Variants in CABLES1 observed in about 807,000 individuals in gnomAD.
CABLES1 encodes Cdk5 and Abl enzyme substrate 1.
CABLES1 carries 36 observed loss-of-function variants against 57.8 expected under a neutral mutation model. That is an observed-to-expected ratio of 0.62 (90% CI 0.48 to 0.82). The LOEUF (loss-of-function observed/expected upper bound fraction) is 0.82. Among genes scored for constraint, CABLES1 ranks in the 40% least tolerant of loss-of-function variants. The pLI is 0.00. For missense variants in CABLES1, 767 were observed against 836.6 expected (o/e 0.92, Z 1.03); for synonymous variants, 374 against 363.0 (o/e 1.03, Z -0.35).
At chr18:23,200,464 A>G (rs182424761) in intron 3 of CABLES1, among the ~76,000 whole-genome samples, 2,887 of 152,216 alleles carry the variant, frequency 0.019, 46 homozygotes, top group Middle Eastern at 0.041. Context: ...GGGTTTCACC[A>G]TGTTAGCCAG....
chr18:23,238,388 C>T lies in CABLES1; in HGVS notation c.1446+1143C>T, dbSNP rs17797201. Among the ~76,000 whole-genome samples the T allele has an allele frequency of 3.3e-3, 501 of 152,324 alleles. 3 individuals carry two copies. Among genetic ancestry groups the T allele is most frequent in the Non-Finnish European group, 5.8e-3 (393 of 68,032 alleles). On this transcript the variant is annotated intron_variant, in intron 7 of 9. Coordinates refer to ENST00000256925, the MANE Select transcript of CABLES1 (RefSeq NM_001100619.3). Reference sequence around the variant, plus strand: ...GTGGTCATTTTCGTATGCCACACGGCGTCAGAATGCATTTAGTCATTGGAG... The same window carrying T: ...GTGGTCATTTTCGTATGCCACACGGTGTCAGAATGCATTTAGTCATTGGAG...
intron 3 of CABLES1, among the ~76,000 whole-genome samples, chr18:23,194,804 C>T (rs1014897802): frequency 6.6e-6 from 1 of 152,164 alleles, no homozygotes; most frequent in Non-Finnish European, 1.5e-5. Flanking sequence ...AACACATGAA[C>T]GGATTTTTAT....
chr18:23,254,791 C>T (rs2048122469), intron 9 of CABLES1, among the ~76,000 whole-genome samples: 1 of 152,156 alleles, frequency 6.6e-6, no homozygotes, highest in Admixed American at 6.5e-5. Context: ...ATGCCCAGGA[C>T]CTCATCTAGA....
chr18:23,165,803 G>T (rs1025541824), intron 1 of CABLES1, among the ~76,000 whole-genome samples: 1 of 152,124 alleles, frequency 6.6e-6, no homozygotes, highest in South Asian at 2.1e-4. Flanking sequence ...GAATGATGCC[G>T]CTATGAGCAT....
At chr18:23,179,463 C>T (rs924766821) in intron 1 of CABLES1, among the ~76,000 whole-genome samples, 4 of 152,174 alleles carry the variant, frequency 2.6e-5, no homozygotes, top group South Asian at 2.1e-4. Flanking sequence ...TGGCTTTCAG[C>T]GTGTTAGTTG....
chr18:23,156,800 A>G (rs530836846), intron 1 of CABLES1, among the ~76,000 whole-genome samples: 33 of 152,264 alleles, frequency 2.2e-4, no homozygotes, highest in African/African-American at 7.9e-4. Flanking sequence ...TTTTCTCTGT[A>G]AGGCACACTG....
chr18:23,142,529 C>G (rs1426669682), intron 1 of CABLES1, among the ~76,000 whole-genome samples: 4 of 152,206 alleles, frequency 2.6e-5, no homozygotes, highest in African/African-American at 4.8e-5. Context: ...AGTCCAAGGT[C>G]ACAGAGTGAC....
rs143718959 is a variant in CABLES1, at chr18:23,192,099, C to G, written c.918-2349C>G. ...ACATCGTGGTTTGTTAGTGGATTTC[C>G]TGTATCTACCTGTAACTCCAAGAAC... is the stretch of plus-strand genomic sequence containing the variant. On this transcript the variant is annotated intron_variant, in intron 2 of 9. Coordinates refer to ENST00000256925, the MANE Select transcript of CABLES1 (RefSeq NM_001100619.3). Among the ~76,000 whole-genome samples the G allele has an allele frequency of 1.2e-3, 179 of 152,276 alleles. 1 individual carries two copies. Among genetic ancestry groups the G allele is most frequent in the African/African-American group, 4.1e-3 (171 of 41,556 alleles).
At chr18:23,158,119 TAA>T (rs34187186) in intron 1 of CABLES1, among the ~76,000 whole-genome samples, 1,936 of 128,118 alleles carry the variant, frequency 0.015, 37 homozygotes, top group African/African-American at 0.043. Context: ...CCATCTCTAT[TAA>T]AAAAAAAAAA....
At chr18:23,176,617 C>T (rs544850753) in intron 1 of CABLES1, among the ~76,000 whole-genome samples, 2 of 152,174 alleles carry the variant, frequency 1.3e-5, no homozygotes, top group South Asian at 4.2e-4. Context: ...GCATTTTTTT[C>T]AGCAGGCTTC....
chr18:23,231,689 C>G (rs1053258013), intron 4 of CABLES1, among the ~76,000 whole-genome samples: 1 of 151,992 alleles, frequency 6.6e-6, no homozygotes, highest in Non-Finnish European at 1.5e-5. Flanking sequence ...ATCCCTGTTT[C>G]TAAGAATCCC....
At chr18:23,253,574 A>AT (rs2048091899) in intron 8 of CABLES1, among the ~76,000 whole-genome samples, 155 bp from the exon 9 acceptor site, 1 of 152,240 alleles carries the variant, frequency 6.6e-6, no homozygotes, top group Admixed American at 6.5e-5. Flanking sequence ...CTCCCCATGC[A>AT]TAACGCAGCC....
chr18:23,242,240 T>C (rs553738728), intron 7 of CABLES1, among the ~76,000 whole-genome samples: 1 of 152,072 alleles, frequency 6.6e-6, no homozygotes, highest in African/African-American at 2.4e-5. Context: ...ATCACACTAT[T>C]GCACTCCAGC....
intron 1 of CABLES1, among the ~76,000 whole-genome samples, chr18:23,150,649 A>G (rs958963140): frequency 1.3e-5 from 2 of 152,052 alleles, no homozygotes; most frequent in Non-Finnish European, 2.9e-5. Context: ...CGTGCTGGCA[A>G]TGGGGAAAAG....
At chr18:23,245,066 C>G (rs893408681) in intron 7 of CABLES1, among the ~76,000 whole-genome samples, 4 of 152,130 alleles carry the variant, frequency 2.6e-5, no homozygotes, top group African/African-American at 9.7e-5. Flanking sequence ...GGTGTGTGTA[C>G]CTCCCATCCC....
intron 4 of CABLES1, among the ~76,000 whole-genome samples, chr18:23,226,307 CAGG>C (rs1399948379): frequency 6.6e-6 from 1 of 151,434 alleles, no homozygotes; most frequent in Non-Finnish European, 1.5e-5. Context: ...GAGGCTGAGG[CAGG>C]AGAATTGCTT....
At chr18:23,163,456 T>G (rs2047019139) in intron 1 of CABLES1, among the ~76,000 whole-genome samples, 1 of 151,932 alleles carries the variant, frequency 6.6e-6, no homozygotes, top group Non-Finnish European at 1.5e-5. Context: ...ATCGAGAGGT[T>G]GAGTAGAAGA....
Position 23,246,567 on chromosome 18 carries a change from G to A in CABLES1, c.1447-6393G>A, listed in dbSNP as rs540283297. ...CCACCACACCCGGCTAATTTTTTGT[G>A]TTTTTAGTAGAGATGGGGTTTCACC... On this transcript the variant is annotated intron_variant, in intron 7 of 9. Transcript: ENST00000256925. 1.4e-3 allele frequency among the ~76,000 whole-genome samples: 207 copies of A among 151,642 alleles called. 1 individual carries two copies. The highest frequency in any genetic ancestry group is 3.4e-3 in the Middle Eastern group (1 of 294).
At chr18:23,173,124 T>C (rs1385049931) in intron 1 of CABLES1, among the ~76,000 whole-genome samples, 1 of 152,172 alleles carries the variant, frequency 6.6e-6, no homozygotes, top group Non-Finnish European at 1.5e-5. Flanking sequence ...GGATGAAATG[T>C]GGCTGTCAGC....
Sources: allele counts gnomAD v4.1 joint callset (sites outside exome capture counted in the v4.1 genomes callset), GRCh38; gene constraint gnomAD v4.1.1; transcripts MANE v1.5; gene names NCBI Gene and HGNC (gene_info 2026-07-23, HGNC 2026-07-21).